Variants in TOX observed in about 807,000 individuals in gnomAD.
TOX encodes the protein thymocyte selection associated high mobility group box.
In TOX, 11 loss-of-function variants were observed where a neutral mutation model predicts 53.7. That is an observed-to-expected ratio of 0.20 (90% CI 0.13 to 0.34). The LOEUF (loss-of-function observed/expected upper bound fraction) is 0.34, where lower values mean the gene tolerates loss of function less well. Among genes scored for constraint, TOX ranks in the 10% least tolerant of loss-of-function variants. The pLI is 1.00. For missense variants in TOX, 570 were observed against 664.6 expected (o/e 0.86, Z 1.56); for synonymous variants, 225 against 245.3 (o/e 0.92, Z 0.77).
chr8:58,846,256 T>G (rs2129167687), intron 4 of TOX, among the ~76,000 whole-genome samples: 1 of 152,218 alleles, frequency 6.6e-6, no homozygotes, highest in African/African-American at 2.4e-5. Context: ...GGTCATACAT[T>G]AGTTTAATTG....
chr8:59,076,635 G>GCTAATTTTATGCTC (rs1331566185), intron 1 of TOX, among the ~76,000 whole-genome samples: 1 of 151,990 alleles, frequency 6.6e-6, no homozygotes, highest in Non-Finnish European at 1.5e-5. Flanking sequence ...TTTTTATGTT[G>GCTAATTTTATGCTC]CTAATTTTAT....
At chr8:59,105,263 G>A (rs532724054) in intron 1 of TOX, among the ~76,000 whole-genome samples, 1 of 152,234 alleles carries the variant, frequency 6.6e-6, no homozygotes, top group African/African-American at 2.4e-5. Context: ...ACCGAAATAG[G>A]AACTACTTTA....
intron 3 of TOX, among the ~76,000 whole-genome samples, chr8:58,927,955 C>T (rs931231521): frequency 3.9e-5 from 6 of 152,292 alleles, no homozygotes; most frequent in South Asian, 2.1e-4. Flanking sequence ...ACCACTCATA[C>T]GGCTTCTCAA....
chr8:59,000,949 T>C (rs1175305079), intron 1 of TOX, among the ~76,000 whole-genome samples: 1 of 149,028 alleles, frequency 6.7e-6, no homozygotes, highest in East Asian at 2.0e-4. Flanking sequence ...ATCTCAATTG[T>C]ATCTCTGATT....
chr8:58,813,410 C>T (rs1810118256), intron 7 of TOX, among the ~76,000 whole-genome samples: 1 of 152,204 alleles, frequency 6.6e-6, no homozygotes, highest in Admixed American at 6.5e-5. Flanking sequence ...CCAACTATAG[C>T]ACTGTAAGCA....
chr8:58,968,789 C>T (rs1812949112), intron 1 of TOX, among the ~76,000 whole-genome samples: 1 of 151,784 alleles, frequency 6.6e-6, no homozygotes, highest in African/African-American at 2.4e-5. Context: ...AACCTCAAAA[C>T]AAAACAAAAC....
At chr8:59,062,967 C>A (rs1176503768) in intron 1 of TOX, among the ~76,000 whole-genome samples, 1 of 152,108 alleles carries the variant, frequency 6.6e-6, no homozygotes, top group Non-Finnish European at 1.5e-5. Context: ...CTGTAAGAAT[C>A]TTTCATAGTG....
chr8:59,091,204 G>T (rs1002583937), intron 1 of TOX, among the ~76,000 whole-genome samples: 4 of 152,010 alleles, frequency 2.6e-5, no homozygotes, highest in African/African-American at 7.2e-5. Context: ...ACCACTGCCT[G>T]ACTCCCAGCC....
intron 4 of TOX, among the ~76,000 whole-genome samples, chr8:58,844,470 G>A (rs928155474): frequency 6.6e-6 from 1 of 152,104 alleles, no homozygotes; most frequent in African/African-American, 2.4e-5. Context: ...GAATATGGAA[G>A]AAACCATATA....
intron 1 of TOX, among the ~76,000 whole-genome samples, chr8:59,062,559 G>A (rs962442925): frequency 6.6e-6 from 1 of 152,184 alleles, no homozygotes; most frequent in African/African-American, 2.4e-5. Flanking sequence ...TCAATAGAAT[G>A]GCTCTTTCGG....
intron 3 of TOX, among the ~76,000 whole-genome samples, chr8:58,887,747 A>G (rs554458748): frequency 4.0e-5 from 6 of 151,846 alleles, no homozygotes; most frequent in African/African-American, 1.4e-4. Flanking sequence ...TGCCTTTCTT[A>G]AGTTTATTTT....
intron 5 of TOX, among the ~76,000 whole-genome samples, chr8:58,837,165 G>A (rs540480836): frequency 1.3e-5 from 2 of 152,254 alleles, no homozygotes; most frequent in South Asian, 4.1e-4. Context: ...TGGACATAAT[G>A]AGGAAAGATT....
intron 1 of TOX, among the ~76,000 whole-genome samples, chr8:59,077,934 C>T (rs983130505): frequency 9.9e-5 from 15 of 152,094 alleles, no homozygotes; most frequent in African/African-American, 2.4e-4. Flanking sequence ...ACTTGCTTCT[C>T]GTGCAGGCCT....
At chr8:58,828,676 T>A (rs1810402969) in intron 5 of TOX, among the ~76,000 whole-genome samples, 1 of 152,080 alleles carries the variant, frequency 6.6e-6, no homozygotes, top group South Asian at 2.1e-4. Flanking sequence ...TAAGCCTTGG[T>A]GCAGCCATGA....
At chr8:58,879,590 G>A (rs573574286) in intron 3 of TOX, among the ~76,000 whole-genome samples, 153 of 152,096 alleles carry the variant, frequency 1.0e-3, no homozygotes, top group Non-Finnish European at 2.0e-3. Flanking sequence ...CAAGAGCACT[G>A]AGCCATGTAA....
At chr8:58,838,850 C>T (rs754123941) in intron 4 of TOX, among the ~76,000 whole-genome samples, 18 of 151,716 alleles carry the variant, frequency 1.2e-4, no homozygotes, top group Non-Finnish European at 2.5e-4. Flanking sequence ...TACAGACGCG[C>T]GCCACCACAC....
intron 1 of TOX, among the ~76,000 whole-genome samples, chr8:58,971,342 TG>T (rs1375657644): frequency 1.3e-5 from 2 of 152,096 alleles, no homozygotes; most frequent in African/African-American, 4.8e-5. Flanking sequence ...TAGGACAAAA[TG>T]AGGACAGATT....
intron 1 of TOX, among the ~76,000 whole-genome samples, chr8:58,994,391 AGT>A (rs34690974): frequency 0.16 from 23,511 of 146,874 alleles, 2,237 homozygotes; most frequent in African/African-American, 0.27. Flanking sequence ...CAAAATGCCA[AGT>A]GTGTGTGTGT....
chr8:58,943,308 T>G (rs1812472441), intron 2 of TOX, among the ~76,000 whole-genome samples: 1 of 152,154 alleles, frequency 6.6e-6, no homozygotes, highest in East Asian at 1.9e-4. Flanking sequence ...TGCCCATGCC[T>G]GGCCAGAAGA....
Sources: allele counts gnomAD v4.1 joint callset (sites outside exome capture counted in the v4.1 genomes callset), GRCh38; gene constraint gnomAD v4.1.1; transcripts MANE v1.5; gene names NCBI Gene and HGNC (gene_info 2026-07-23, HGNC 2026-07-21).